The following TSEN54 variants were observed in gnomAD, a reference collection of about 807,000 sequenced individuals.
The protein encoded by TSEN54 is tRNA-splicing endonuclease subunit Sen54.
A neutral mutation model predicts 61.9 loss-of-function variants in TSEN54; 55 were observed. That is an observed-to-expected ratio of 0.89 (90% CI 0.72 to 1.11). The LOEUF is 1.11. Ranked by LOEUF, TSEN54 falls within the 50% of genes most tolerant of loss-of-function variation. The pLI, the probability that TSEN54 is intolerant of heterozygous loss-of-function variation, is 0.00. For missense variants in TSEN54, 760 were observed against 687.7 expected, an observed-to-expected ratio of 1.11 and a Z score of -1.18; for synonymous variants, 304 against 288.7, an observed-to-expected ratio of 1.05 and a Z score of -0.54.
At chr17:75,522,677 T>C (rs2053441455) in intron 8 of TSEN54, 5 of 574,358 alleles carry the variant, frequency 8.7e-6, no homozygotes, top group Non-Finnish European at 1.4e-5. Context: ...AAGAAAGGCT[T>C]GCTGTCTGCT....
At chr17:75,523,038 G>T (rs1466937267) in intron 8 of TSEN54, 3 of 517,746 alleles carry the variant, frequency 5.8e-6, no homozygotes, top group African/African-American at 1.9e-5. Context: ...AATTAGCCGG[G>T]TGTGGTGGTG....
chr17:75,517,365 C>T (rs1195243211), intron 4 of TSEN54, 121 bp downstream of exon 4: 6 of 1,284,548 alleles, frequency 4.7e-6, no homozygotes, highest in South Asian at 1.2e-5. Context: ...ACTTCTAAAG[C>T]AGGAGGTGGT....
Position 75,518,975 on chromosome 17 carries a change from T to C in TSEN54, c.469-20T>C, listed in dbSNP as rs2053400927. ...TCCAGAGTGGCCATCTGAGCTTTCA[T>C]TTTTTTTTTTTCTTTTGAGGTCTTC... On this transcript the variant is annotated intron_variant, in intron 5 of 10. Coordinates refer to ENST00000333213, the MANE Select transcript of TSEN54 (RefSeq NM_207346.3). 1.1e-6 allele frequency: 1 copy of C among 889,610 alleles called. No homozygotes were observed. The highest frequency in any genetic ancestry group is 1.7e-6 in the Non-Finnish European group (1 of 605,306). 55.1% of individuals were successfully genotyped at this position (889,610 alleles called of 1,614,324 possible).
intron 8 of TSEN54, chr17:75,522,607 C>T: frequency 7.8e-7 from 1 of 1,280,654 alleles, no homozygotes; most frequent in Non-Finnish European, 1.0e-6. Context: ...GCTTTGCCAC[C>T]AACTAGCTGT....
Position 75,519,170 on chromosome 17 carries a change from A to G in TSEN54, c.521+123A>G. 2.7e-6 allele frequency: 3 copies of G among 1,109,372 alleles called. No individual in the cohort carries two copies. The South Asian group carries it at 3.7e-5, about 14-fold the overall frequency. 68.7% of individuals were successfully genotyped at this position (1,109,372 alleles called of 1,614,324 possible). The stretch of plus-strand genomic sequence containing the variant: ...GGCTGGAGTGCAGTTCCTTGGGCAC[A>G]GACTGGGGGCGCCTGCTGGAAGCGT... On this transcript the variant is annotated intron_variant, in intron 6 of 10. Transcript: ENST00000333213.
Position 75,521,401 on chromosome 17 carries a change from C to T in TSEN54, c.522-8C>T, listed in dbSNP as rs762223470. ...GTCAGTGGCCCACCCGCTGTTCTCA[C>T]CCCACAGCTCTGTCCTGTCCCCGTA... On this transcript the variant is annotated splice_polypyrimidine_tract_variant and splice_region_variant and intron_variant, in intron 6 of 10. Coordinates refer to ENST00000333213, the MANE Select transcript of TSEN54 (RefSeq NM_207346.3). 32 of 1,612,526 alleles carry T rather than the reference C, an allele frequency of 2.0e-5. No individual in the cohort carries two copies. The highest frequency in any genetic ancestry group is 6.8e-6 in the Non-Finnish European group (8 of 1,178,770).
rs1022081245 is a variant in TSEN54, at chr17:75,518,891, C to T, written c.469-104C>T. 1.9e-6 allele frequency: 3 copies of T among 1,598,510 alleles called. No individual in the cohort carries two copies. In the African/African-American group the frequency reaches 4.0e-5, roughly 21 times the overall value. ...ACAGGGTTTAGAATCTGGGGGTGTA[C>T]AGGAGGGGCAGAGAGGGCTGTGGGG... On this transcript the variant is annotated intron_variant, in intron 5 of 10. Coordinates refer to ENST00000333213, the MANE Select transcript of TSEN54 (RefSeq NM_207346.3).
intron 6 of TSEN54, among the ~76,000 whole-genome samples, chr17:75,519,638 C>A (rs1387423046): frequency 2.0e-5 from 3 of 152,254 alleles, no homozygotes; most frequent in South Asian, 4.1e-4. Flanking sequence ...TCTCAGCTTA[C>A]TGTAGCCTCT....
chr17:75,518,825 T>C (rs1405669922), intron 5 of TSEN54, 170 bp from the exon 6 acceptor site: 5 of 985,242 alleles, frequency 5.1e-6, no homozygotes, highest in Non-Finnish European at 3.6e-6. Flanking sequence ...CTGAGATCTT[T>C]AGGGATGGTG....
At position 75,517,688 on chromosome 17, in the gene TSEN54, C is replaced by T. The variant is rs188938962; in HGVS notation, c.468+33C>T. On this transcript the variant is annotated intron_variant, in intron 5 of 10. Transcript: ENST00000333213. ...CCACCACCCCGCCTCCGGGAGCCAC[C>T]CATCCACTGAATCAATGAGTATTGA... 100 of 1,555,822 alleles carry T rather than the reference C, an allele frequency of 6.4e-5. No individual in the cohort carries two copies. The African/African-American group carries it at 1.1e-3, about 17-fold the overall frequency.
At position 75,522,169 on chromosome 17, in the gene TSEN54, AG is replaced by A; in HGVS notation, c.1090del (p.Glu364LysfsTer46). The A allele has an allele frequency of 6.4e-7, 1 of 1,553,298 alleles. No individual in the cohort carries two copies. Among genetic ancestry groups the A allele is most frequent in the South Asian group, 1.2e-5 (1 of 84,600 alleles). ...CACCACGCGGAGGCCGCGCAGTTCC[AG>A]GAAGATGTCAACGCCGATCCCGAGG... ...REHHAEAAQF[Q>X]EDVNADPEVQ... On this transcript the variant is annotated frameshift_variant, in exon 8 of 11. Transcript: ENST00000333213. LOFTEE classifies it high-confidence loss of function.
chr17:75,523,552 G>A (rs757431197), intron 9 of TSEN54, 111 bp from the exon 10 acceptor site: 16 of 1,611,750 alleles, frequency 9.9e-6, no homozygotes, highest in Non-Finnish European at 1.3e-5. Context: ...CAACCCTCAA[G>A]TGGCACCTCT....
chr17:75,521,910 T>C lies in TSEN54; in HGVS notation c.829T>C (p.Cys277Arg), dbSNP rs1199919169. The C allele has an allele frequency of 6.2e-7, 1 of 1,608,970 alleles. No individual in the cohort carries two copies. ...TGGCCCGGCCAGGGAGGGGGTGGGG[T>C]GCAGCTGGGAGAGTGGCAGAGCCGA... ...SPGPAREGVG[C>R]SWESGRAENG... Residue 277 changes from cysteine (C) to arginine (R), a missense_variant, in exon 8 of 11, where the codon TGC becomes CGC. Physicochemically the swap from Cys to Arg is radical, Grantham distance 180 (BLOSUM62 -3). Coordinates refer to ENST00000333213, the MANE Select transcript of TSEN54 (RefSeq NM_207346.3).
Position 75,521,884 on chromosome 17 carries a change from C to T in TSEN54, c.803C>T (p.Pro268Leu). The change falls in exon 8 of 11, where the codon CCT (proline) becomes CTT (leucine). Residue 268 changes from proline to leucine, a missense_variant. Physicochemically the swap from Pro to Leu is moderately conservative, Grantham distance 98 (BLOSUM62 -3). Around this residue, in one of 3 missense-constraint regions of TSEN54, gnomAD observed 667 missense variants for 577.8 expected, o/e 1.15. Coordinates refer to ENST00000333213, the MANE Select transcript of TSEN54 (RefSeq NM_207346.3). ...FQLLGSLGPS[P>L]GPAREGVGCS... ...CTTCTGGGGTCCCTGGGCCCCAGCCCTGGCCCGGCCAGGGAGGGGGTGGGG... is the reference window on the plus strand; with the variant it reads ...CTTCTGGGGTCCCTGGGCCCCAGCCTTGGCCCGGCCAGGGAGGGGGTGGGG... 1 of 1,610,184 alleles carries T rather than the reference C, an allele frequency of 6.2e-7. No homozygotes were observed. Among genetic ancestry groups the T allele is most frequent in the Non-Finnish European group, 8.5e-7 (1 of 1,178,648 alleles).
At chr17:75,517,676 T>C in intron 5 of TSEN54, 21 bp downstream of exon 5, 1 of 1,596,784 alleles carries the variant, frequency 6.3e-7, no homozygotes, top group Non-Finnish European at 8.6e-7. Flanking sequence ...CCACCCCGCC[T>C]CCGGGAGCCA....
intron 5 of TSEN54, 23 bp downstream of exon 5, chr17:75,517,678 C>A (rs778702469): frequency 3.8e-6 from 6 of 1,585,406 alleles, no homozygotes; most frequent in Non-Finnish European, 4.3e-6. Context: ...ACCCCGCCTC[C>A]GGGAGCCACC....
chr17:75,521,948 G>A lies in TSEN54; in HGVS notation c.867G>A (p.Thr289=), dbSNP rs751120868. The A allele has an allele frequency of 1.1e-5, 18 of 1,610,492 alleles. No individual in the cohort carries two copies. The East Asian group carries it at 2.0e-4, about 18-fold the overall frequency. ...WESGRAENGV[T]GAGKRRWNFE... The stretch of plus-strand genomic sequence containing the variant: ...GTGGCAGAGCCGAGAACGGAGTCAC[G>A]GGAGCCGGTAAGCGGCGCTGGAACT... The change falls in exon 8 of 11, where the codon ACG becomes ACA. Residue 289 remains threonine (T), a synonymous_variant. Coordinates refer to ENST00000333213, the MANE Select transcript of TSEN54 (RefSeq NM_207346.3).
chr17:75,516,700 C>A, intron 1 of TSEN54, 46 bp from the exon 2 acceptor site: 3 of 1,361,808 alleles, frequency 2.2e-6, no homozygotes, highest in Non-Finnish European at 9.4e-7. Context: ...CCCGGCCAGG[C>A]GGCCCCCGAT....
intron 4 of TSEN54, 145 bp downstream of exon 4, chr17:75,517,389 C>A: frequency 8.6e-7 from 1 of 1,168,664 alleles, no homozygotes. Flanking sequence ...TTGCAGGGAG[C>A]AGGGATTCCA....
Sources: gnomAD v4.1 joint callset for allele counts (sites outside exome capture counted in the v4.1 genomes callset) on GRCh38, gnomAD v4.1.1 for gene constraint, gnomAD v4.1.1 regional missense constraint, MANE v1.5 for transcripts, NCBI Gene and HGNC (gene_info 2026-07-23, HGNC 2026-07-21) for gene names.